The following ARHGAP26 variants were observed in gnomAD, a reference collection of about 807,000 sequenced individuals.
The protein encoded by ARHGAP26 is Rho GTPase activating protein 26.
In ARHGAP26, 38 loss-of-function variants were observed where a neutral mutation model predicts 104.8. The ratio of observed to expected loss-of-function variants is 0.36; its 90% confidence interval spans 0.28 to 0.48. The LOEUF is 0.48. Among genes scored for constraint, ARHGAP26 ranks in the 20% least tolerant of loss-of-function variants. ARHGAP26 has a pLI of 0.99. For synonymous variants in ARHGAP26, 341 were observed against 340.0 expected (o/e 1.00, Z -0.03); for missense variants, 704 against 947.9 (o/e 0.74, Z 3.38).
At chr5:143,179,353 G>T (rs891592709) in intron 20 of ARHGAP26, among the ~76,000 whole-genome samples, 1 of 152,224 alleles carries the variant, frequency 6.6e-6, no homozygotes, top group African/African-American at 2.4e-5. Context: ...GAGAGGCAGC[G>T]AAGAGAGCTG....
At chr5:142,900,539 T>C (rs1276532978) in intron 6 of ARHGAP26, among the ~76,000 whole-genome samples, 1 of 144,628 alleles carries the variant, frequency 6.9e-6, no homozygotes, top group African/African-American at 2.6e-5. Context: ...GCCTGCCCTC[T>C]GAGTTTAGGT....
chr5:142,873,361 T>C, intron 1 of ARHGAP26, 39 bp from the exon 2 acceptor site: 1 of 1,516,366 alleles, frequency 6.6e-7, no homozygotes, highest in Non-Finnish European at 9.0e-7. Flanking sequence ...CCAGTTTAAT[T>C]TTAGTAATTC....
intron 11 of ARHGAP26, among the ~76,000 whole-genome samples, chr5:143,004,081 C>A (rs758971493): frequency 5.5e-5 from 8 of 145,568 alleles, no homozygotes; most frequent in Non-Finnish European, 1.0e-4. Flanking sequence ...ACAAAAACAA[C>A]TGGATTGGTT....
At chr5:142,819,283 G>A (rs80285904) in intron 1 of ARHGAP26, among the ~76,000 whole-genome samples, 4,856 of 151,356 alleles carry the variant, frequency 0.032, 198 homozygotes, top group African/African-American at 0.094. Flanking sequence ...ATTGGCCCCA[G>A]TAGGTCAGAG....
chr5:143,040,776 G>T (rs1783347122), intron 13 of ARHGAP26, among the ~76,000 whole-genome samples: 2 of 152,228 alleles, frequency 1.3e-5, no homozygotes, highest in African/African-American at 2.4e-5. Flanking sequence ...ATGAGGTGGG[G>T]CCATGAGCTT....
In ARHGAP26 at chr5:142,890,146, AAAAAAATATATATATATATATATAT is replaced by A. The variant is rs1233473234; in HGVS notation, c.487-4090_487-4066del. Among the ~76,000 whole-genome samples, 167 of 89,214 alleles carry A rather than the reference AAAAAAATATATATATATATATATAT, an allele frequency of 1.9e-3. 8 individuals carry two copies. The highest frequency in any genetic ancestry group is 7.2e-3 in the African/African-American group (158 of 22,034). The allele number at this position is 89,214 out of a possible 152,430, so 58.5% of individuals were successfully genotyped here. Reference sequence around the variant, plus strand: ...AGCGAAACTCCGTCTTAAAAAAAAAAAAAAAATATATATATATATATATATATATATATATATATATATATATATA... The same window carrying A: ...AGCGAAACTCCGTCTTAAAAAAAAAAATATATATATATATATATATATATA... On this transcript the variant is annotated intron_variant, in intron 5 of 22. Coordinates refer to ENST00000645722, the MANE Select transcript of ARHGAP26 (RefSeq NM_001135608.3).
At chr5:142,810,761 G>A (rs1763918821) in intron 1 of ARHGAP26, among the ~76,000 whole-genome samples, 1 of 152,140 alleles carries the variant, frequency 6.6e-6, no homozygotes, top group African/African-American at 2.4e-5. Flanking sequence ...GGGAGTGCTT[G>A]TTCTTTTTGA....
intron 22 of ARHGAP26, among the ~76,000 whole-genome samples, chr5:143,217,000 G>A (rs371901944): frequency 3.3e-5 from 5 of 152,168 alleles, no homozygotes; most frequent in African/African-American, 7.2e-5. Context: ...TGGGGTGGGG[G>A]GTCTTTTTCC....
At chr5:143,029,284 G>A (rs1453052399) in intron 12 of ARHGAP26, among the ~76,000 whole-genome samples, 2 of 151,286 alleles carry the variant, frequency 1.3e-5, no homozygotes, top group African/African-American at 4.8e-5. Context: ...TTGGAAAATT[G>A]CATAAATTTC....
rs144534067 is a variant in ARHGAP26, at chr5:142,867,397, C to T, written c.155-6003C>T. Among the ~76,000 whole-genome samples, 772 of 151,822 alleles carry T rather than the reference C, an allele frequency of 5.1e-3. 1 individual carries two copies. Among genetic ancestry groups the T allele is most frequent in the Middle Eastern group, 0.017 (5 of 292 alleles). ...GAATGGTATTTACAAGGGACTGTAA[C>T]TTGCTTTTCTTATAATGAAGCACAT... On this transcript the variant is annotated intron_variant, in intron 1 of 22. Transcript: ENST00000645722.
chr5:142,829,388 C>T (rs1246409590), intron 1 of ARHGAP26, among the ~76,000 whole-genome samples: 1 of 152,230 alleles, frequency 6.6e-6, no homozygotes, highest in South Asian at 2.1e-4. Flanking sequence ...ACCTCATTTT[C>T]CAGTGGCCTT....
At chr5:142,982,020 C>CT (rs1156405676) in intron 11 of ARHGAP26, among the ~76,000 whole-genome samples, 3 of 152,224 alleles carry the variant, frequency 2.0e-5, no homozygotes, top group Non-Finnish European at 2.9e-5. Flanking sequence ...CCTCAAGCTG[C>CT]TTTTTTGCTG....
chr5:143,218,863 A>G (rs903390759), intron 22 of ARHGAP26, among the ~76,000 whole-genome samples: 18 of 152,366 alleles, frequency 1.2e-4, no homozygotes, highest in African/African-American at 4.1e-4. Flanking sequence ...CTCTGGGATC[A>G]GATGTCTTGG....
intron 20 of ARHGAP26, among the ~76,000 whole-genome samples, chr5:143,179,527 T>G (rs853160): frequency 0.66 from 99,794 of 152,060 alleles, 34,143 homozygotes; most frequent in East Asian, 0.93. Context: ...GCTATGCCTG[T>G]AGGCTTTTGG....
In ARHGAP26 at chr5:143,147,362, C is replaced by G; in HGVS notation, c.1969C>G (p.Pro657Ala). 6.2e-7 allele frequency: 1 copy of G among 1,613,676 alleles called. No homozygotes were observed. Among genetic ancestry groups the G allele is most frequent in the South Asian group, 1.1e-5 (1 of 91,024 alleles). The stretch of plus-strand genomic sequence containing the variant: ...TGACCCAGACCTGGCTGTGGTCAAA[C>G]CCACCCGGCCCAACTCACTGTAAGT... ...SSDPDLAVVK[P>A]TRPNSLPPNP... The change falls in exon 20 of 23, where the codon CCC becomes GCC. Residue 657 changes from proline (P) to alanine (A), a missense_variant. Physicochemically the swap from Pro to Ala is conservative, Grantham distance 27 (BLOSUM62 -1). Transcript: ENST00000645722.
chr5:143,166,659 A>C (rs1316666728), intron 20 of ARHGAP26, among the ~76,000 whole-genome samples: 1 of 152,144 alleles, frequency 6.6e-6, no homozygotes, highest in Non-Finnish European at 1.5e-5. Context: ...CTGCTTTGCT[A>C]AATTCTCTGC....
intron 11 of ARHGAP26, among the ~76,000 whole-genome samples, chr5:142,941,971 A>G (rs760630499): frequency 6.6e-6 from 1 of 152,122 alleles, no homozygotes; most frequent in Non-Finnish European, 1.5e-5. Flanking sequence ...GGTAGTAAAG[A>G]TACTAAGATG....
At chr5:142,996,029 C>T (rs751827078) in intron 11 of ARHGAP26, among the ~76,000 whole-genome samples, 15 of 151,878 alleles carry the variant, frequency 9.9e-5, no homozygotes, top group East Asian at 5.8e-4. Context: ...CATAACATAC[C>T]GGGGCCTACT....
chr5:143,200,409 G>C (rs1257941499), intron 20 of ARHGAP26, among the ~76,000 whole-genome samples: 3 of 152,194 alleles, frequency 2.0e-5, no homozygotes, highest in East Asian at 1.9e-4. Flanking sequence ...ATTTATAATA[G>C]CTAAAGGGGG....
Sources: allele counts gnomAD v4.1 joint callset (sites outside exome capture counted in the v4.1 genomes callset), GRCh38; gene constraint gnomAD v4.1.1; transcripts MANE v1.5; gene names NCBI Gene and HGNC (gene_info 2026-07-23, HGNC 2026-07-21).